The following VAV1 variants were observed in gnomAD, a reference collection of about 807,000 sequenced individuals.
VAV1 encodes the protein proto-oncogene vav.
VAV1 carries 33 observed loss-of-function variants against 128.1 expected under a neutral mutation model. The observed-to-expected ratio is 0.26, with a 90% CI of 0.20 to 0.34. The LOEUF is 0.34. VAV1 is among the 10% of genes least tolerant of loss of function. The probability of loss-of-function intolerance (pLI) is 1.00; values close to 1 mark genes in which losing one functional copy is unlikely to be tolerated. For synonymous variants in VAV1, 394 were observed against 409.8 expected (o/e 0.96, Z 0.47); for missense variants, 715 against 1,093.7 (o/e 0.65, Z 4.88).
intron 22 of VAV1, among the ~76,000 whole-genome samples, chr19:6,844,464 G>A (rs532194096): frequency 6.6e-6 from 1 of 151,978 alleles, no homozygotes; most frequent in African/African-American, 2.4e-5. Flanking sequence ...TGATCCACTC[G>A]CCTCAGCCTC....
intron 1 of VAV1, among the ~76,000 whole-genome samples, chr19:6,793,166 C>G (rs1274451077): frequency 6.6e-6 from 1 of 152,082 alleles, no homozygotes; most frequent in Non-Finnish European, 1.5e-5. Context: ...AACCTCATCT[C>G]TACTAAAAAT....
chr19:6,830,941 A>AT (rs1045938746), intron 14 of VAV1, among the ~76,000 whole-genome samples: 4 of 152,094 alleles, frequency 2.6e-5, no homozygotes, highest in Non-Finnish European at 4.4e-5. Context: ...ATAAAAAAAA[A>AT]TTTAGCTGGG....
At chr19:6,811,508 A>T (rs1162864300) in intron 1 of VAV1, among the ~76,000 whole-genome samples, 1 of 152,144 alleles carries the variant, frequency 6.6e-6, no homozygotes, top group African/African-American at 2.4e-5. Context: ...GGGAGGCTGC[A>T]GTTGGGGGAG....
intron 1 of VAV1, among the ~76,000 whole-genome samples, chr19:6,791,697 A>G (rs1312181361): frequency 1.3e-5 from 2 of 152,166 alleles, no homozygotes; most frequent in Non-Finnish European, 2.9e-5. Flanking sequence ...CAGACAGTAA[A>G]CAAATAGACA....
rs149038511 is a variant in VAV1 at position 6,856,411 on chromosome 19, C to T, written c.2485-643C>T. ...ATAATGAATCAGACGGTGATATGTG[C>T]TATAGAAAAAGATAAAGCAAGACAA... On this transcript the variant is annotated intron_variant, in intron 26 of 26. Transcript: ENST00000602142. Among the ~76,000 whole-genome samples, 1,015 of 151,664 alleles carry T rather than the reference C, an allele frequency of 6.7e-3. 10 individuals are homozygous for T. Among genetic ancestry groups the T allele is most frequent in the African/African-American group, 0.024 (976 of 41,394 alleles).
intron 26 of VAV1, among the ~76,000 whole-genome samples, chr19:6,856,331 A>T (rs1972800376): frequency 6.6e-6 from 1 of 151,986 alleles, no homozygotes; most frequent in Admixed American, 6.6e-5. Context: ...TAGAGCTCAC[A>T]TTGCAGTTGC....
chr19:6,850,449 C>T (rs1313593959), intron 23 of VAV1, among the ~76,000 whole-genome samples: 1 of 151,170 alleles, frequency 6.6e-6, no homozygotes, highest in Non-Finnish European at 1.5e-5. Context: ...TCTCAACAAA[C>T]CTGTGAGTCA....
At chr19:6,805,504 G>A (rs527610024) in intron 1 of VAV1, among the ~76,000 whole-genome samples, 1 of 151,630 alleles carries the variant, frequency 6.6e-6, no homozygotes, top group Admixed American at 6.6e-5. Flanking sequence ...GACCTTAGGA[G>A]GCTGAGGCAG....
chr19:6,853,612 TCC>T (rs1972719500), intron 25 of VAV1, among the ~76,000 whole-genome samples: 1 of 150,652 alleles, frequency 6.6e-6, no homozygotes, highest in Non-Finnish European at 1.5e-5. Flanking sequence ...AGGCCTGTAA[TCC>T]CCGTGATTCA....
chr19:6,826,953 G>A lies in VAV1; in HGVS notation c.927+242G>A. 3.6e-6 allele frequency: 2 copies of A among 550,432 alleles called. No homozygotes were observed. Among genetic ancestry groups the A allele is most frequent in the Non-Finnish European group, 6.6e-6 (2 of 304,228 alleles). 34.1% of individuals were successfully genotyped at this position (550,432 alleles called of 1,614,324 possible). A position where few individuals can be genotyped will look rare whatever the true frequency, so the allele number is the denominator to read the frequency against. On this transcript the variant is annotated intron_variant, in intron 9 of 26. Coordinates refer to ENST00000602142, the MANE Select transcript of VAV1 (RefSeq NM_005428.4). The surrounding 1 kb of genome is among the most constrained non-coding windows in gnomAD (Gnocchi z 4.1). ...GGGTGAAGTCCTGACCCTGAACTGAGCTCTGATCTCACACTCAACCCCAGC... is the reference window on the plus strand; with the variant it reads ...GGGTGAAGTCCTGACCCTGAACTGAACTCTGATCTCACACTCAACCCCAGC...
intron 1 of VAV1, among the ~76,000 whole-genome samples, chr19:6,811,052 T>C (rs1971502806): frequency 6.6e-6 from 1 of 152,170 alleles, no homozygotes; most frequent in South Asian, 2.1e-4. Context: ...TTATTTATTT[T>C]TGAGATGGCG....
chr19:6,831,880 GCA>G (rs374114757), intron 14 of VAV1, among the ~76,000 whole-genome samples: 1 of 149,754 alleles, frequency 6.7e-6, no homozygotes, highest in East Asian at 2.0e-4. Context: ...GTGTGTGTGT[GCA>G]TGTGCACGCC....
Position 6,854,061 on chromosome 19 carries a change from G to T in VAV1, c.2447G>T (p.Gly816Val). The change falls in exon 26 of 27, where the codon GGA becomes GTA. Residue 816 changes from glycine to valine, a missense_variant. By Grantham distance (109) the Gly-to-Val change is moderately radical (BLOSUM62 -3). This residue lies in a region of VAV1 where 407 missense variants were observed against 580.6 expected (regional missense o/e 0.70). Transcript: ENST00000602142. ...GDIIKILNKK[G>V]QQGWWRGEIY... ...ATCATCAAGATCCTTAACAAGAAGG[G>T]ACAGCAAGGCTGGTGGCGAGGGGAG... The T allele has an allele frequency of 6.2e-7, 1 of 1,613,862 alleles. No homozygotes were observed.
chr19:6,808,951 C>T (rs1476341714), intron 1 of VAV1, among the ~76,000 whole-genome samples: 1 of 152,048 alleles, frequency 6.6e-6, no homozygotes, highest in East Asian at 1.9e-4. Context: ...GCAATTTAGC[C>T]TGAGTGCTTG....
At chr19:6,785,317 T>G (rs539900156) in intron 1 of VAV1, among the ~76,000 whole-genome samples, 2 of 152,022 alleles carry the variant, frequency 1.3e-5, no homozygotes, top group Non-Finnish European at 2.9e-5. Flanking sequence ...GATACAGACA[T>G]GAGCCACTTC....
intron 6 of VAV1, among the ~76,000 whole-genome samples, chr19:6,823,622 T>C (rs1455634982): frequency 1.3e-5 from 2 of 151,704 alleles, no homozygotes; most frequent in African/African-American, 2.4e-5. Flanking sequence ...CCTCTTCCTC[T>C]TGTCTCTCTG....
Position 6,838,097 on chromosome 19 carries a change from G to GTCTGTCTATCTATCTA in VAV1, c.1980+1050_1980+1051insGTCTATCTATCTATCT, listed in dbSNP as rs1555705096. On this transcript the variant is annotated intron_variant, in intron 21 of 26. Transcript: ENST00000602142. The stretch of plus-strand genomic sequence containing the variant: ...TCTGCCCTCATCTGTCTGTCTGTCT[G>GTCTGTCTATCTATCTA]TCTATCTATCTATCTATCTATCTAT... Among the ~76,000 whole-genome samples the GTCTGTCTATCTATCTA allele has an allele frequency of 5.0e-3, 729 of 146,626 alleles. 3 individuals carry two copies. The highest frequency in any genetic ancestry group is 0.017 in the Middle Eastern group (5 of 292).
chr19:6,778,983 C>CCT (rs1970703806), intron 1 of VAV1, among the ~76,000 whole-genome samples: 1 of 148,274 alleles, frequency 6.7e-6, no homozygotes, highest in Non-Finnish European at 1.5e-5. Context: ...CTCAAGCAGT[C>CCT]CTCCTGCCTC....
chr19:6,842,014 T>C (rs956232572), intron 21 of VAV1, among the ~76,000 whole-genome samples: 3 of 151,666 alleles, frequency 2.0e-5, no homozygotes, highest in Non-Finnish European at 4.4e-5. Context: ...TCACCTGAGC[T>C]CGGGAGTTTG....
Sources: gnomAD v4.1 joint callset for allele counts (sites outside exome capture counted in the v4.1 genomes callset) on GRCh38, gnomAD v4.1.1 for gene constraint, gnomAD v4.1.1 regional missense constraint, Gnocchi (gnomAD v3.1) non-coding constraint, MANE v1.5 for transcripts, NCBI Gene and HGNC (gene_info 2026-07-23, HGNC 2026-07-21) for gene names.